The following PPP4R2 variants were observed in gnomAD, a reference collection of about 807,000 sequenced individuals.
PPP4R2 encodes the protein protein phosphatase 4 regulatory subunit 2.
Under a neutral mutation model 47.2 loss-of-function variants are expected in PPP4R2, and 13 were observed. The ratio of observed to expected loss-of-function variants is 0.28; its 90% CI spans 0.18 to 0.44. The LOEUF is 0.44. PPP4R2 is among the 20% of genes least tolerant of loss of function. PPP4R2 has a pLI of 1.00. For missense variants in PPP4R2, 421 were observed against 491.2 expected, an observed-to-expected ratio of 0.86 and a Z score of 1.35; for synonymous variants, 151 against 163.3, an observed-to-expected ratio of 0.92 and a Z score of 0.57.
intron 1 of PPP4R2, chr3:72,997,290 G>C (rs969422476): frequency 2.5e-6 from 1 of 407,312 alleles, no homozygotes; most frequent in South Asian, 1.4e-4. Flanking sequence ...GTCTGGGCTG[G>C]GGGAGGGGAG....
chr3:73,006,542 T>C (rs1242509551), intron 2 of PPP4R2, among the ~76,000 whole-genome samples: 1 of 152,204 alleles, frequency 6.6e-6, no homozygotes, highest in African/African-American at 2.4e-5. Context: ...TGTGAAGTGT[T>C]TTAAGAACAC....
rs1302625705 is a variant in PPP4R2 at position 72,997,028 on chromosome 3, C to T, written c.-10C>T. 7.2e-7 allele frequency: 1 copy of T among 1,396,934 alleles called. No homozygotes were observed. Among genetic ancestry groups the T allele is most frequent in the Non-Finnish European group, 9.4e-7 (1 of 1,058,924 alleles). 86.5% of individuals were successfully genotyped at this position (1,396,934 alleles called of 1,614,324 possible). On this transcript the variant is annotated 5_prime_UTR_variant, in exon 1 of 9. Transcript: ENST00000356692. ...AGGGAGGCGGAGGCTGTGAGGGACT[C>T]CGGGAAGCCATGGACGTCGAGAGGC...
chr3:73,005,247 C>G (rs1267730876), intron 2 of PPP4R2, among the ~76,000 whole-genome samples: 2 of 151,674 alleles, frequency 1.3e-5, no homozygotes, highest in African/African-American at 4.8e-5. Flanking sequence ...GGCCAAAATA[C>G]AGTGGTTTTT....
chr3:73,004,149 T>A (rs745500189), intron 2 of PPP4R2, among the ~76,000 whole-genome samples: 1 of 151,794 alleles, frequency 6.6e-6, no homozygotes, highest in Non-Finnish European at 1.5e-5. Context: ...AGTTCTTATG[T>A]GTATGTCTTG....
rs796247906 is a variant in PPP4R2, at chr3:73,039,956, A to T, written c.117-7230A>T. 5.9e-5 allele frequency among the ~76,000 whole-genome samples: 9 copies of T among 152,348 alleles called. No individual in the cohort carries two copies. The South Asian group carries it at 8.3e-4, about 14-fold the overall frequency. On this transcript the variant is annotated intron_variant, in intron 2 of 8. Transcript: ENST00000356692. Reference sequence around the variant, plus strand: ...GTAATCCCAGCTACTTAGGAGGCTGAGGCAGGAGAATTGCTTGAACCAGGG... The same window carrying T: ...GTAATCCCAGCTACTTAGGAGGCTGTGGCAGGAGAATTGCTTGAACCAGGG...
chr3:73,060,406 G>A (rs1402873479), intron 4 of PPP4R2, among the ~76,000 whole-genome samples: 1 of 152,166 alleles, frequency 6.6e-6, no homozygotes, highest in Non-Finnish European at 1.5e-5. Context: ...CAGGGTTGCA[G>A]TGTTTCATAG....
At chr3:73,038,402 G>T (rs1413684989) in intron 2 of PPP4R2, among the ~76,000 whole-genome samples, 1 of 151,462 alleles carries the variant, frequency 6.6e-6, no homozygotes, top group African/African-American at 2.4e-5. Flanking sequence ...TGGAGATGGA[G>T]TCTCACTCTG....
At chr3:73,004,462 CTATT>C (rs1701552111) in intron 2 of PPP4R2, among the ~76,000 whole-genome samples, 1 of 151,980 alleles carries the variant, frequency 6.6e-6, no homozygotes, top group African/African-American at 2.4e-5. Context: ...CTGTTAAAAT[CTATT>C]TATTTTTGAG....
chr3:73,062,706 C>T, intron 5 of PPP4R2: 1 of 1,613,994 alleles, frequency 6.2e-7, no homozygotes, highest in East Asian at 2.2e-5. Flanking sequence ...TCTCCAAGTT[C>T]AGAGACGATT....
At chr3:73,036,322 G>A (rs982953371) in intron 2 of PPP4R2, among the ~76,000 whole-genome samples, 5 of 152,162 alleles carry the variant, frequency 3.3e-5, no homozygotes, top group Non-Finnish European at 7.3e-5. Context: ...ATAAGTTTTA[G>A]TATTTGATAG....
chr3:73,029,708 A>AT (rs1342807693), intron 2 of PPP4R2, among the ~76,000 whole-genome samples: 1 of 152,206 alleles, frequency 6.6e-6, no homozygotes, highest in Non-Finnish European at 1.5e-5. Flanking sequence ...TGCAGATAGT[A>AT]TTAAAAACTC....
chr3:73,013,356 A>C (rs1173144246), intron 2 of PPP4R2, among the ~76,000 whole-genome samples: 1 of 152,244 alleles, frequency 6.6e-6, no homozygotes, highest in African/African-American at 2.4e-5. Flanking sequence ...TGGTGAGAAT[A>C]ACTGCATTTT....
chr3:73,061,953 A>G (rs965530747), intron 5 of PPP4R2: 2 of 638,074 alleles, frequency 3.1e-6, no homozygotes, highest in Non-Finnish European at 2.7e-6. Flanking sequence ...TCTTGACAGA[A>G]AAACTATTAA....
intron 2 of PPP4R2, among the ~76,000 whole-genome samples, chr3:73,002,193 T>C (rs1025670783): frequency 3.9e-5 from 6 of 152,228 alleles, no homozygotes; most frequent in African/African-American, 1.4e-4. Flanking sequence ...TCTTTTTTAT[T>C]GCTGAATAAT....
At chr3:73,060,521 C>T (rs1702832047) in intron 4 of PPP4R2, among the ~76,000 whole-genome samples, 1 of 152,166 alleles carries the variant, frequency 6.6e-6, no homozygotes, top group African/African-American at 2.4e-5. Flanking sequence ...TCATACTAAA[C>T]TTTCAGTGAA....
chr3:73,042,059 C>T (rs182631251), intron 2 of PPP4R2, among the ~76,000 whole-genome samples: 2 of 152,208 alleles, frequency 1.3e-5, no homozygotes, highest in East Asian at 1.9e-4. Context: ...GGTGAAGCTA[C>T]TTAGTTAATG....
At chr3:73,016,696 A>G (rs940470452) in intron 2 of PPP4R2, among the ~76,000 whole-genome samples, 2 of 137,826 alleles carry the variant, frequency 1.5e-5, no homozygotes, top group East Asian at 2.3e-4. Context: ...TTATTTAAAT[A>G]TGGTGTCTGT....
intron 2 of PPP4R2, among the ~76,000 whole-genome samples, chr3:73,044,397 C>T (rs1702442404): frequency 6.6e-6 from 1 of 152,032 alleles, no homozygotes; most frequent in African/African-American, 2.4e-5. Context: ...CCAGCCTGGC[C>T]AACATGGTGA....
intron 2 of PPP4R2, among the ~76,000 whole-genome samples, chr3:73,015,518 C>G (rs1701811335): frequency 6.6e-6 from 1 of 150,498 alleles, no homozygotes. Flanking sequence ...CTCTGTCGCC[C>G]AGGCTGGAGT....
Sources: allele counts gnomAD v4.1 joint callset (sites outside exome capture counted in the v4.1 genomes callset), GRCh38; gene constraint gnomAD v4.1.1; transcripts MANE v1.5; gene names NCBI Gene and HGNC (gene_info 2026-07-23, HGNC 2026-07-21).